HMCN1: variants seen among roughly 807,000 people sequenced by gnomAD.
The protein encoded by HMCN1 is hemicentin 1, also known as hemicentin-1.
Under a neutral mutation model 625.9 loss-of-function variants are expected in HMCN1, and 321 were observed. The ratio of observed to expected loss-of-function variants is 0.51; its 90% CI spans 0.47 to 0.56. HMCN1 has a LOEUF of 0.56. Ranked by LOEUF, HMCN1 falls within the 20% of genes least tolerant of loss-of-function variation. HMCN1 has a pLI of 0.00. For missense variants in HMCN1, 6,588 were observed against 6,887.3 expected (o/e 0.96, Z 1.54); for synonymous variants, 2,425 against 2,417.6 (o/e 1.00, Z -0.09).
intron 36 of HMCN1, among the ~76,000 whole-genome samples, chr1:186,036,614 G>C (rs1655843023): frequency 6.6e-6 from 1 of 150,710 alleles, no homozygotes; most frequent in Non-Finnish European, 1.5e-5. Flanking sequence ...TTTTGAGGTG[G>C]AGTTTCGCTC....
intron 36 of HMCN1, among the ~76,000 whole-genome samples, chr1:186,032,794 A>G (rs1655551293): frequency 1.3e-5 from 2 of 152,076 alleles, no homozygotes. Flanking sequence ...GCTGAAAGGG[A>G]ACACTTTAAC....
chr1:186,004,016 C>A (rs1388073053), intron 29 of HMCN1, among the ~76,000 whole-genome samples, 172 bp downstream of exon 29: 1 of 152,054 alleles, frequency 6.6e-6, no homozygotes, highest in African/African-American at 2.4e-5. Context: ...GTAATTTTTT[C>A]ATTCTTTTGA....
intron 1 of HMCN1, among the ~76,000 whole-genome samples, chr1:185,806,193 A>G (rs1323840395): frequency 3.3e-5 from 5 of 152,086 alleles, no homozygotes; most frequent in African/African-American, 1.2e-4. Context: ...TTTTACCCCC[A>G]TTTCATAGAT....
intron 100 of HMCN1, among the ~76,000 whole-genome samples, chr1:186,168,816 A>G (rs1157119904): frequency 6.6e-6 from 1 of 152,108 alleles, no homozygotes; most frequent in Non-Finnish European, 1.5e-5. Context: ...CAGAAAGTGC[A>G]GGTTTGTTAC....
chr1:185,949,508 C>A (rs1274871873), intron 11 of HMCN1, among the ~76,000 whole-genome samples: 2 of 151,538 alleles, frequency 1.3e-5, no homozygotes, highest in Non-Finnish European at 2.9e-5. Flanking sequence ...TTTTAAAAGA[C>A]CTTTAGTCCA....
chr1:185,943,504 A>AC (rs1443596150), intron 11 of HMCN1, among the ~76,000 whole-genome samples: 1 of 152,196 alleles, frequency 6.6e-6, no homozygotes, highest in East Asian at 1.9e-4. Flanking sequence ...GAGGGAAAAA[A>AC]TAGTTTTTTC....
chr1:185,902,813 A>G (rs977578925), intron 4 of HMCN1, among the ~76,000 whole-genome samples: 1 of 151,680 alleles, frequency 6.6e-6, no homozygotes, highest in Non-Finnish European at 1.5e-5. Flanking sequence ...GTCTACATGT[A>G]TGTGTGTATG....
chr1:186,014,981 G>C (rs1177710616), intron 30 of HMCN1, among the ~76,000 whole-genome samples, 178 bp from the exon 31 acceptor site: 4 of 152,054 alleles, frequency 2.6e-5, no homozygotes, highest in Admixed American at 2.6e-4. Context: ...AACCCAAAAG[G>C]GGAATGATAA....
At chr1:186,128,800 T>C (rs1451483654) in intron 83 of HMCN1, among the ~76,000 whole-genome samples, 1 of 152,034 alleles carries the variant, frequency 6.6e-6, no homozygotes, top group African/African-American at 2.4e-5. Flanking sequence ...GGAGCACCCA[T>C]CCCTGGGTGA....
intron 2 of HMCN1, among the ~76,000 whole-genome samples, chr1:185,850,349 T>G (rs939714552): frequency 5.3e-5 from 8 of 152,194 alleles, no homozygotes; most frequent in African/African-American, 1.9e-4. Flanking sequence ...TTCTAGCAGA[T>G]AGAATGTTAG....
At chr1:185,796,406 C>T (rs779416358) in intron 1 of HMCN1, among the ~76,000 whole-genome samples, 20 of 152,158 alleles carry the variant, frequency 1.3e-4, no homozygotes, top group Non-Finnish European at 2.2e-4. Context: ...TAGGTATTTT[C>T]TCATCCCTTA....
chr1:185,930,298 C>G (rs1667477723), intron 10 of HMCN1, among the ~76,000 whole-genome samples: 1 of 152,124 alleles, frequency 6.6e-6, no homozygotes, highest in Admixed American at 6.6e-5. Context: ...AAGTGAGTGC[C>G]CCTTTGAACT....
intron 97 of HMCN1, among the ~76,000 whole-genome samples, chr1:186,157,765 T>G (rs1367550678): frequency 6.6e-6 from 1 of 152,244 alleles, no homozygotes; most frequent in East Asian, 1.9e-4. Context: ...ACAAAGGACA[T>G]GAACTCATCA....
intron 1 of HMCN1, among the ~76,000 whole-genome samples, chr1:185,762,349 C>T (rs1411297880): frequency 6.6e-6 from 1 of 152,110 alleles, no homozygotes; most frequent in Non-Finnish European, 1.5e-5. Flanking sequence ...TTACAAATGC[C>T]TTAGTGTGTA....
chr1:186,088,478 A>C, intron 62 of HMCN1, 128 bp from the exon 63 acceptor site: 1 of 1,377,662 alleles, frequency 7.3e-7, no homozygotes, highest in Non-Finnish European at 9.7e-7. Flanking sequence ...TTCTTTTTTA[A>C]AAAAGAAAAT....
At chr1:185,852,457 AT>A in intron 2 of HMCN1, among the ~76,000 whole-genome samples, 1 of 151,890 alleles carries the variant, frequency 6.6e-6, no homozygotes. Flanking sequence ...CATAGATATA[AT>A]GTAGAGCTAT....
rs776510518 is a variant in HMCN1, at chr1:186,053,043, T to C, written c.6669T>C (p.Ile2223=). 4.3e-6 allele frequency: 7 copies of C among 1,610,272 alleles called. No homozygotes were observed. The highest frequency in any genetic ancestry group is 1.3e-5 in the African/African-American group (1 of 74,784). ...GTCTGTTGTGTGAATCAAGTGGTAT[T>C]CCACCCCCAAATCTCATCTGGAAGA... The part of the protein sequence containing the change: ...LISLLCESSG[I]PPPNLIWKKK... The change falls in exon 43 of 107, where the codon ATT becomes ATC. Residue 2223 remains isoleucine (I), a synonymous_variant. Transcript: ENST00000271588.
chr1:186,184,738 G>T (rs1653174295), intron 105 of HMCN1, among the ~76,000 whole-genome samples: 1 of 152,046 alleles, frequency 6.6e-6, no homozygotes, highest in Non-Finnish European at 1.5e-5. Flanking sequence ...GAAGCACTAG[G>T]TTAAATACAT....
At chr1:186,085,512 G>A (rs189551863) in intron 57 of HMCN1, among the ~76,000 whole-genome samples, 1 of 152,114 alleles carries the variant, frequency 6.6e-6, no homozygotes, top group Non-Finnish European at 1.5e-5. Context: ...TTCCTTAAAG[G>A]CCTCATCTTC....
Sources: gnomAD v4.1 joint callset for allele counts (sites outside exome capture counted in the v4.1 genomes callset) on GRCh38, gnomAD v4.1.1 for gene constraint, MANE v1.5 for transcripts, NCBI Gene and HGNC (gene_info 2026-07-23, HGNC 2026-07-21) for gene names.